Variants in NOL4L observed in about 807,000 individuals in gnomAD.
NOL4L encodes nucleolar protein 4-like.
NOL4L carries 7 observed loss-of-function variants against 64.5 expected under a neutral mutation model. That is an observed-to-expected ratio of 0.11 (90% CI 0.06 to 0.20). The LOEUF (loss-of-function observed/expected upper bound fraction) is 0.20, where lower values mean the gene tolerates loss of function less well. Among genes scored for constraint, NOL4L ranks in the 10% least tolerant of loss-of-function variants. The probability of loss-of-function intolerance (pLI) is 1.00; values close to 1 mark genes in which losing one functional copy is unlikely to be tolerated. For missense variants in NOL4L, 680 were observed against 967.1 expected (o/e 0.70, Z 3.94); for synonymous variants, 413 against 401.0 (o/e 1.03, Z -0.36).
intron 1 of NOL4L, among the ~76,000 whole-genome samples, chr20:32,542,136 A>G (rs1255225443): frequency 2.6e-5 from 4 of 152,196 alleles, no homozygotes; most frequent in African/African-American, 9.7e-5. Context: ...TCCCGCATCC[A>G]CTGGCTTACC....
intron 1 of NOL4L, among the ~76,000 whole-genome samples, chr20:32,564,743 CT>C (rs1268146209): frequency 6.6e-6 from 1 of 152,236 alleles, no homozygotes; most frequent in Non-Finnish European, 1.5e-5. Flanking sequence ...CTTCAAGGTG[CT>C]GCACAAAGGT....
intron 5 of NOL4L, among the ~76,000 whole-genome samples, chr20:32,461,439 T>G (rs1211271565): frequency 7.6e-6 from 1 of 131,384 alleles, no homozygotes; most frequent in Non-Finnish European, 1.6e-5. Context: ...TTTTTTTTTT[T>G]TGAGACGGAG....
chr20:32,518,917 A>G (rs951927693), intron 3 of NOL4L, among the ~76,000 whole-genome samples: 2 of 152,240 alleles, frequency 1.3e-5, no homozygotes, highest in South Asian at 4.1e-4. Context: ...TGGCTCAGGC[A>G]TGCATCGAGG....
chr20:32,528,297 G>A (rs1258653889), intron 1 of NOL4L, among the ~76,000 whole-genome samples: 4 of 152,328 alleles, frequency 2.6e-5, no homozygotes, highest in African/African-American at 7.2e-5. Context: ...GCCCCATCAG[G>A]AGCTCGCCAA....
intron 10 of NOL4L, among the ~76,000 whole-genome samples, chr20:32,449,408 C>A (rs894793156): frequency 2.0e-5 from 3 of 152,244 alleles, no homozygotes; most frequent in Admixed American, 2.0e-4. Context: ...CTGGAAGTAA[C>A]ATCTTGGGAT....
intron 4 of NOL4L, among the ~76,000 whole-genome samples, chr20:32,488,317 C>T (rs774691075): frequency 2.0e-5 from 3 of 152,156 alleles, no homozygotes; most frequent in Admixed American, 6.5e-5. Context: ...CAGTTTCATA[C>T]CCTGGTACCA....
chr20:32,565,522 C>A (rs914846168), intron 1 of NOL4L, among the ~76,000 whole-genome samples: 6 of 152,296 alleles, frequency 3.9e-5, no homozygotes, highest in Non-Finnish European at 8.8e-5. Flanking sequence ...CCCCGCACCC[C>A]CTGGGCTCTC....
chr20:32,526,654 T>C (rs536160250), intron 2 of NOL4L, among the ~76,000 whole-genome samples: 1 of 152,240 alleles, frequency 6.6e-6, no homozygotes, highest in Non-Finnish European at 1.5e-5. Context: ...AGGGCATATC[T>C]CTAGAAGCTC....
At chr20:32,490,106 G>A (rs1444741973) in intron 4 of NOL4L, among the ~76,000 whole-genome samples, 1 of 128,512 alleles carries the variant, frequency 7.8e-6, no homozygotes, top group Non-Finnish European at 1.6e-5. Flanking sequence ...TCCAGCCTGG[G>A]TGACAGAGAG....
At chr20:32,546,360 T>C (rs1185175646) in intron 1 of NOL4L, among the ~76,000 whole-genome samples, 9 of 152,194 alleles carry the variant, frequency 5.9e-5, no homozygotes, top group Admixed American at 6.5e-5. Context: ...GTGATTCTCC[T>C]TTCTCAGCCT....
chr20:32,546,634 T>A (rs1368463072), intron 1 of NOL4L, among the ~76,000 whole-genome samples: 1 of 152,042 alleles, frequency 6.6e-6, no homozygotes, highest in Non-Finnish European at 1.5e-5. Flanking sequence ...ACAGAGTTTC[T>A]CCATGATCAG....
At chr20:32,487,452 G>A (rs1210995468) in intron 4 of NOL4L, among the ~76,000 whole-genome samples, 2 of 152,134 alleles carry the variant, frequency 1.3e-5, no homozygotes, top group Non-Finnish European at 2.9e-5. Flanking sequence ...CCAGGAGGAA[G>A]CCACTGGGTG....
At chr20:32,530,921 CA>C (rs561269935) in intron 1 of NOL4L, among the ~76,000 whole-genome samples, 4 of 142,666 alleles carry the variant, frequency 2.8e-5, no homozygotes, top group South Asian at 2.3e-4. Context: ...AACTCCATCT[CA>C]AAAAAAAAAC....
chr20:32,520,370 A>T (rs2017881724), intron 3 of NOL4L: 1 of 154,748 alleles, frequency 6.5e-6, no homozygotes, highest in African/African-American at 2.4e-5. Flanking sequence ...GGAAACAAGC[A>T]CCAGGGAAGA....
At chr20:32,507,904 G>A (rs899854130) in intron 4 of NOL4L, among the ~76,000 whole-genome samples, 5 of 152,142 alleles carry the variant, frequency 3.3e-5, no homozygotes, top group African/African-American at 4.8e-5. Context: ...CCAGCTACTC[G>A]GGAGGTAGAG....
rs1030286846 is a variant in NOL4L, at chr20:32,540,501, G to T, written c.322-12588C>A. Among the ~76,000 whole-genome samples the T allele has an allele frequency of 2.6e-5, 4 of 152,076 alleles. No homozygotes were observed. The South Asian group carries it at 6.2e-4, about 24-fold the overall frequency. The stretch of plus-strand genomic sequence containing the variant: ...CCACACAGCTTCACACATGTACACG[G>T]GAATCTTCCTCCCCGGCCCCCACAC... On this transcript the variant is annotated intron_variant, in intron 1 of 10. Coordinates refer to ENST00000621426, the MANE Select transcript of NOL4L (RefSeq NM_001256798.2).
At chr20:32,530,013 G>A (rs765576242) in intron 1 of NOL4L, among the ~76,000 whole-genome samples, 22 of 152,154 alleles carry the variant, frequency 1.4e-4, no homozygotes, top group Non-Finnish European at 3.1e-4. Flanking sequence ...CCATCTGTAC[G>A]GGCTGATCAA....
intron 1 of NOL4L, among the ~76,000 whole-genome samples, chr20:32,542,990 G>A (rs575811549): frequency 2.0e-5 from 3 of 152,292 alleles, no homozygotes; most frequent in African/African-American, 4.8e-5. Flanking sequence ...AGCCGTTCTC[G>A]ATAAACACGA....
intron 1 of NOL4L, among the ~76,000 whole-genome samples, chr20:32,567,351 G>A (rs714755): frequency 0.026 from 4,011 of 152,274 alleles, 82 homozygotes; most frequent in Non-Finnish European, 0.04. Flanking sequence ...TTTAGGGAAC[G>A]GGATCTGCCC....
Sources: allele counts gnomAD v4.1 joint callset (sites outside exome capture counted in the v4.1 genomes callset), GRCh38; gene constraint gnomAD v4.1.1; transcripts MANE v1.5; gene names NCBI Gene and HGNC (gene_info 2026-07-23, HGNC 2026-07-21).